MAML2: variants seen among roughly 807,000 people sequenced by gnomAD.
MAML2 encodes the protein mastermind-like protein 2.
A neutral mutation model predicts 96.1 loss-of-function variants in MAML2; 22 were observed. The observed-to-expected ratio is 0.23, with a 90% CI of 0.16 to 0.33. The LOEUF is 0.33. MAML2 is among the 10% of genes least tolerant of loss of function. MAML2 has a pLI of 1.00. For missense variants in MAML2, 1,367 were observed against 1,392.4 expected (o/e 0.98, Z 0.29); for synonymous variants, 561 against 521.3 (o/e 1.08, Z -1.04).
intron 1 of MAML2, among the ~76,000 whole-genome samples, chr11:96,249,505 G>A (rs1007909072): frequency 3.3e-5 from 5 of 152,072 alleles, no homozygotes; most frequent in East Asian, 1.9e-4. Context: ...CAGTTCTCTC[G>A]CCTCTTCTTT....
chr11:96,258,811 G>A (rs747238839), intron 1 of MAML2, among the ~76,000 whole-genome samples: 1 of 152,224 alleles, frequency 6.6e-6, no homozygotes, highest in Non-Finnish European at 1.5e-5. Flanking sequence ...GTAAGACTAT[G>A]AGCAGCATGA....
chr11:96,054,943 A>G (rs1172139311), intron 2 of MAML2, among the ~76,000 whole-genome samples: 1 of 152,230 alleles, frequency 6.6e-6, no homozygotes, highest in African/African-American at 2.4e-5. Context: ...CCTGGGAAGT[A>G]GTATTTACTT....
rs1565211246 is a variant in MAML2, at chr11:96,092,026, GAGA to G, written c.2002_2004del (p.Ser668del). 1 of 1,565,950 alleles carries G rather than the reference GAGA, an allele frequency of 6.4e-7. No homozygotes were observed. The highest frequency in any genetic ancestry group is 8.7e-7 in the Non-Finnish European group (1 of 1,154,640). On this transcript the variant is annotated inframe_deletion, in exon 2 of 5. Coordinates refer to ENST00000524717, the MANE Select transcript of MAML2 (RefSeq NM_032427.4). This position sits in a 1 kb window ranked among gnomAD's most constrained non-coding sequence, Gnocchi z 4.1. ...TGGCTTGGTAGAGATTGGGCAGGCT[GAGA>G]AGATGGTTGTTGCTGCTGCTGCTGC...
At chr11:95,982,844 G>C (rs1175974811) in intron 4 of MAML2, among the ~76,000 whole-genome samples, 1 of 152,130 alleles carries the variant, frequency 6.6e-6, no homozygotes, top group Admixed American at 6.5e-5. Context: ...CTGTATTTTA[G>C]AGGACACTCT....
chr11:96,239,081 T>A (rs1184941158), intron 1 of MAML2, among the ~76,000 whole-genome samples: 1 of 152,216 alleles, frequency 6.6e-6, no homozygotes, highest in African/African-American at 2.4e-5. Context: ...GGAATCACAC[T>A]AACATTTTAA....
chr11:96,078,451 C>T (rs1169941132), intron 2 of MAML2, among the ~76,000 whole-genome samples: 1 of 152,146 alleles, frequency 6.6e-6, no homozygotes, highest in African/African-American at 2.4e-5. Context: ...AAAATCTGTA[C>T]CAGAAATGCC....
intron 2 of MAML2, among the ~76,000 whole-genome samples, chr11:96,031,759 G>C (rs918342418): frequency 1.2e-4 from 19 of 152,188 alleles, no homozygotes; most frequent in African/African-American, 4.3e-4. Context: ...GCTGAGATGG[G>C]TGGATCACGA....
chr11:96,157,647 T>A lies in MAML2; in HGVS notation c.514-64130A>T, dbSNP rs144135834. On this transcript the variant is annotated intron_variant, in intron 1 of 4. Coordinates refer to ENST00000524717, the MANE Select transcript of MAML2 (RefSeq NM_032427.4). ...TGCAAGTAAAAGGGTATTTTACTTA[T>A]CTGTATGTATCTATGATCTACCCAT... Among the ~76,000 whole-genome samples the A allele has an allele frequency of 2.0e-3, 308 of 152,404 alleles. 1 individual carries two copies. Among genetic ancestry groups the A allele is most frequent in the South Asian group, 6.6e-3 (32 of 4,834 alleles).
intron 1 of MAML2, among the ~76,000 whole-genome samples, chr11:96,331,667 A>G (rs2136017972): frequency 6.6e-6 from 1 of 151,902 alleles, no homozygotes; most frequent in African/African-American, 2.4e-5. Context: ...AAAGGAAAAA[A>G]ATTAGCCGGG....
At chr11:96,150,421 A>G (rs1282516014) in intron 1 of MAML2, among the ~76,000 whole-genome samples, 1 of 152,176 alleles carries the variant, frequency 6.6e-6, no homozygotes, top group African/African-American at 2.4e-5. Flanking sequence ...ACTTCTGGGA[A>G]GTAGTGACAC....
intron 1 of MAML2, among the ~76,000 whole-genome samples, chr11:96,228,245 C>G (rs1591083851): frequency 6.6e-6 from 1 of 152,158 alleles, no homozygotes; most frequent in Admixed American, 6.5e-5. Context: ...GGCTAACTCC[C>G]CATGGCATCA....
intron 1 of MAML2, among the ~76,000 whole-genome samples, chr11:96,335,000 A>C (rs1001090339): frequency 2.0e-5 from 3 of 152,192 alleles, no homozygotes; most frequent in African/African-American, 7.2e-5. Flanking sequence ...GTGTAGGCCA[A>C]GGTTGAAGCT....
At chr11:96,057,475 G>A (rs1405177898) in intron 2 of MAML2, among the ~76,000 whole-genome samples, 4 of 152,064 alleles carry the variant, frequency 2.6e-5, no homozygotes, top group African/African-American at 7.2e-5. Context: ...TCAGAGTGTC[G>A]AGTCCTAATC....
intron 2 of MAML2, among the ~76,000 whole-genome samples, chr11:96,058,829 A>G (rs528370690): frequency 6.6e-6 from 1 of 152,328 alleles, no homozygotes; most frequent in South Asian, 2.1e-4. Flanking sequence ...CTTCTCTATA[A>G]TAGGATTTCC....
rs2135694887 is a variant in MAML2 at position 95,977,174 on chromosome 11, AG to A, written c.*1773del. The stretch of plus-strand genomic sequence containing the variant: ...AAAACTTTGCATATTAGCATACAAA[AG>A]GTAGCAATTTACTTTTTGTATAAAA... On this transcript the variant is annotated 3_prime_UTR_variant, in exon 5 of 5. Transcript: ENST00000524717. 5.2e-6 allele frequency: 1 copy of A among 190,672 alleles called. No homozygotes were observed. The highest frequency in any genetic ancestry group is 1.1e-5 in the Non-Finnish European group (1 of 90,882). 11.8% of individuals were successfully genotyped at this position (190,672 alleles called of 1,614,324 possible). A position where few individuals can be genotyped will look rare whatever the true frequency, so the allele number is the denominator to read the frequency against.
intron 2 of MAML2, among the ~76,000 whole-genome samples, chr11:96,074,478 G>A (rs868033750): frequency 6.6e-6 from 1 of 152,224 alleles, no homozygotes; most frequent in Non-Finnish European, 1.5e-5. Flanking sequence ...CCAAGGAAAT[G>A]CTATCAAAAG....
intron 2 of MAML2, among the ~76,000 whole-genome samples, chr11:96,031,458 G>A (rs1858613591): frequency 6.6e-6 from 1 of 152,304 alleles, no homozygotes; most frequent in African/African-American, 2.4e-5. Context: ...ACCTCTCAGA[G>A]TCATTGGTAT....
intron 1 of MAML2, among the ~76,000 whole-genome samples, chr11:96,290,410 C>T (rs1485570234): frequency 6.6e-6 from 1 of 152,140 alleles, no homozygotes; most frequent in Non-Finnish European, 1.5e-5. Context: ...AACTGTGTTG[C>T]TTCTATTCTG....
intron 2 of MAML2, among the ~76,000 whole-genome samples, chr11:96,011,381 A>G (rs1858263032): frequency 1.3e-5 from 2 of 152,232 alleles, no homozygotes; most frequent in Non-Finnish European, 2.9e-5. Context: ...GAAATACTAC[A>G]TAGCCATAAA....
Sources: gnomAD v4.1 joint callset for allele counts (sites outside exome capture counted in the v4.1 genomes callset) on GRCh38, gnomAD v4.1.1 for gene constraint, Gnocchi (gnomAD v3.1) non-coding constraint, MANE v1.5 for transcripts, NCBI Gene and HGNC (gene_info 2026-07-23, HGNC 2026-07-21) for gene names.